Variants in SRGAP1 observed in about 807,000 individuals in gnomAD.
SRGAP1 encodes SLIT-ROBO Rho GTPase-activating protein 1.
Under a neutral mutation model 121.9 loss-of-function variants are expected in SRGAP1, and 43 were observed. That is an observed-to-expected ratio of 0.35 (90% confidence interval 0.28 to 0.46). The LOEUF (loss-of-function observed/expected upper bound fraction) is 0.46, where lower values mean the gene tolerates loss of function less well. Among genes scored for constraint, SRGAP1 ranks in the 20% least tolerant of loss-of-function variants. SRGAP1 has a pLI of 1.00. For synonymous variants in SRGAP1, 447 were observed against 485.4 expected, an observed-to-expected ratio of 0.92 and a Z score of 1.04; for missense variants, 1,102 against 1,350.9, an observed-to-expected ratio of 0.82 and a Z score of 2.89.
chr12:63,997,813 A>C (rs2033755448), intron 3 of SRGAP1, among the ~76,000 whole-genome samples: 1 of 152,024 alleles, frequency 6.6e-6, no homozygotes, highest in Non-Finnish European at 1.5e-5. Context: ...TGGATTATGC[A>C]CTCTTAAGAT....
intron 1 of SRGAP1, among the ~76,000 whole-genome samples, chr12:63,913,689 T>C (rs7134142): frequency 1.8e-3 from 272 of 151,896 alleles, no homozygotes; most frequent in South Asian, 7.1e-3. Context: ...GCATCTCTAA[T>C]ATTTTATTGC....
At chr12:64,069,942 T>C (rs1158668819) in intron 8 of SRGAP1, among the ~76,000 whole-genome samples, 1 of 152,210 alleles carries the variant, frequency 6.6e-6, no homozygotes, top group East Asian at 1.9e-4. Context: ...TCTCCCTGTG[T>C]TCCCCAGGCC....
chr12:63,867,363 G>C (rs576573899), intron 1 of SRGAP1, among the ~76,000 whole-genome samples: 2 of 152,218 alleles, frequency 1.3e-5, no homozygotes, highest in African/African-American at 4.8e-5. Context: ...GATATTACTT[G>C]TTTTTCTTTT....
At chr12:64,015,022 G>T (rs944761914) in intron 3 of SRGAP1, among the ~76,000 whole-genome samples, 5 of 152,060 alleles carry the variant, frequency 3.3e-5, no homozygotes, top group Non-Finnish European at 7.4e-5. Flanking sequence ...TCACCATGTT[G>T]TCCATACTGG....
chr12:64,060,745 T>C (rs549246582), intron 6 of SRGAP1, among the ~76,000 whole-genome samples: 76 of 152,310 alleles, frequency 5.0e-4, no homozygotes, highest in African/African-American at 1.8e-3. Flanking sequence ...ACAGATCCAA[T>C]GTTTCACATC....
At chr12:63,949,209 A>T (rs531357800) in intron 1 of SRGAP1, among the ~76,000 whole-genome samples, 4,954 of 120,552 alleles carry the variant, frequency 0.041, 252 homozygotes, top group Non-Finnish European at 0.054. Context: ...ATATATATAT[A>T]TTTTTTCCAT....
At chr12:64,104,614 G>A (rs2036310306) in intron 15 of SRGAP1, among the ~76,000 whole-genome samples, 1 of 152,212 alleles carries the variant, frequency 6.6e-6, no homozygotes, top group African/African-American at 2.4e-5. Flanking sequence ...GCTCCTGTAG[G>A]ATACACATTG....
At chr12:63,965,622 A>G (rs1021677068) in intron 1 of SRGAP1, among the ~76,000 whole-genome samples, 1 of 152,166 alleles carries the variant, frequency 6.6e-6, no homozygotes, top group Non-Finnish European at 1.5e-5. Context: ...GCTGGGCAAC[A>G]TAGTGAGACC....
intron 17 of SRGAP1, among the ~76,000 whole-genome samples, chr12:64,113,400 T>G (rs973078158): frequency 3.3e-5 from 5 of 152,056 alleles, no homozygotes; most frequent in Admixed American, 2.6e-4. Context: ...AGAGCAAGAT[T>G]CTGTCTCAAA....
At position 64,128,055 on chromosome 12, in the gene SRGAP1, G is replaced by A; in HGVS notation, c.2735G>A (p.Arg912Lys). ...AATGACAGTCCTGAGCGGAGGCGCAGGCCTGGCCATGGCAGCCTGACCAAC... is the reference window on the plus strand; with the variant it reads ...AATGACAGTCCTGAGCGGAGGCGCAAGCCTGGCCATGGCAGCCTGACCAAC... ...LNNDSPERRR[R>K]PGHGSLTNIS... The change falls in exon 21 of 22, where the codon AGG becomes AAG. Residue 912 changes from arginine (R) to lysine (K), a missense_variant. Coordinates refer to ENST00000355086, the MANE Select transcript of SRGAP1 (RefSeq NM_020762.4). The A allele has an allele frequency of 6.2e-7, 1 of 1,614,154 alleles. No homozygotes were observed. Among genetic ancestry groups the A allele is most frequent in the African/African-American group, 1.3e-5 (1 of 75,046 alleles).
Position 64,153,674 on chromosome 12 carries a change from G to A in SRGAP1, c.*11002G>A, listed in dbSNP as rs1013913675. 2 of 152,152 alleles carry A rather than the reference G, an allele frequency of 1.3e-5. No homozygotes were observed. The highest frequency in any genetic ancestry group is 2.9e-5 in the Non-Finnish European group (2 of 68,044). 9.4% of individuals were successfully genotyped at this position (152,152 alleles called of 1,614,324 possible). ...GAAAATAACAAGTATTGGCCAGGGT[G>A]TAGAGAAACTGACACCCTTGTGCAC... On this transcript the variant is annotated 3_prime_UTR_variant, in exon 22 of 22. Coordinates refer to ENST00000355086, the MANE Select transcript of SRGAP1 (RefSeq NM_020762.4).
At chr12:64,033,950 G>T (rs1187343750) in intron 4 of SRGAP1, among the ~76,000 whole-genome samples, 1 of 152,036 alleles carries the variant, frequency 6.6e-6, no homozygotes, top group African/African-American at 2.4e-5. Flanking sequence ...AACCCGGTGT[G>T]AGGGGGTAGT....
chr12:63,993,146 C>T (rs1477538292), intron 3 of SRGAP1, among the ~76,000 whole-genome samples: 3 of 152,028 alleles, frequency 2.0e-5, no homozygotes, highest in Non-Finnish European at 1.5e-5. Context: ...AAGCCAGAAT[C>T]TATATCTACC....
intron 5 of SRGAP1, 101 bp from the exon 6 acceptor site, chr12:64,043,346 G>A (rs2035060586): frequency 8.5e-7 from 1 of 1,175,104 alleles, no homozygotes; most frequent in African/African-American, 1.5e-5. Flanking sequence ...TGTATATGTG[G>A]AATAAATTGT....
chr12:64,094,933 A>C lies in SRGAP1; in HGVS notation c.1541A>C (p.Asp514Ala), dbSNP rs771525207. The C allele has an allele frequency of 2.5e-6, 4 of 1,614,016 alleles. No homozygotes were observed. The South Asian group carries it at 4.4e-5, about 18-fold the overall frequency. Reference protein sequence around the residue: ...FNGDLETFVKDSGQVIPLIVE... With the variant: ...FNGDLETFVKASGQVIPLIVE... Reference sequence around the variant, plus strand: ...ACTGGTTTCCATCCCTTTACCCAGGACTCAGGACAGGTTATTCCCCTCATT... The same window carrying C: ...ACTGGTTTCCATCCCTTTACCCAGGCCTCAGGACAGGTTATTCCCCTCATT... Residue 514 changes from aspartate to alanine, a missense_variant and splice_region_variant, in exon 13 of 22, where the codon GAC becomes GCC. This residue lies in a region of SRGAP1 where 747 missense variants were observed against 929.4 expected (regional missense o/e 0.80). Coordinates refer to ENST00000355086, the MANE Select transcript of SRGAP1 (RefSeq NM_020762.4).
chr12:63,883,692 T>C (rs1900270894), intron 1 of SRGAP1, among the ~76,000 whole-genome samples: 1 of 150,456 alleles, frequency 6.6e-6, no homozygotes, highest in African/African-American at 2.4e-5. Flanking sequence ...GGATTCTCGC[T>C]CTGTCGCCCA....
At chr12:63,967,212 G>A (rs1033463728) in intron 1 of SRGAP1, among the ~76,000 whole-genome samples, 1 of 152,184 alleles carries the variant, frequency 6.6e-6, no homozygotes, top group Non-Finnish European at 1.5e-5. Context: ...GGGCCAGGGT[G>A]GGAGGATCAC....
intron 3 of SRGAP1, among the ~76,000 whole-genome samples, chr12:64,009,636 C>A (rs2136452497): frequency 6.6e-6 from 1 of 152,144 alleles, no homozygotes; most frequent in South Asian, 2.1e-4. Flanking sequence ...TAAGAGATGC[C>A]CCAGATAGTT....
At chr12:63,983,797 AATATATATATATATATATATATATAT>A (rs71911661) in intron 1 of SRGAP1, 124 bp from the exon 2 acceptor site, 6,485 of 64,944 alleles carry the variant, frequency 0.1, 401 homozygotes, top group East Asian at 0.22. Context: ...ATACATTTAA[AATATATATATATATATATATATATAT>A]ATATATATAT....
Sources: allele counts gnomAD v4.1 joint callset (sites outside exome capture counted in the v4.1 genomes callset), GRCh38; gene constraint gnomAD v4.1.1; regional missense constraint gnomAD v4.1.1; transcripts MANE v1.5; gene names NCBI Gene and HGNC (gene_info 2026-07-23, HGNC 2026-07-21).